Variants in DRC11 observed in about 807,000 individuals in gnomAD.
DRC11 encodes dynein regulatory complex subunit 11, also known as IQ and AAA domain-containing protein 1.
the DRC11 span, among the ~76,000 whole-genome samples, chr2:236,386,722 T>C: frequency 1.3e-5 from 2 of 149,476 alleles, no homozygotes; most frequent in Admixed American, 6.7e-5. Context: ...ATGTGTTTGC[T>C]CTTGCTTTTC....
chr2:236,474,165 A>G, the DRC11 span, among the ~76,000 whole-genome samples: 1 of 152,162 alleles, frequency 6.6e-6, no homozygotes, highest in African/African-American at 2.4e-5. Context: ...ATATCTCTCA[A>G]TGGTGTACAA....
chr2:236,395,038 G>C, the DRC11 span, among the ~76,000 whole-genome samples: 8 of 152,192 alleles, frequency 5.3e-5, no homozygotes, highest in African/African-American at 1.9e-4. Flanking sequence ...TCACAAAGGT[G>C]GTAAATTTTT....
chr2:236,356,909 ATAT>A, the DRC11 span, among the ~76,000 whole-genome samples: 781 of 84,272 alleles, frequency 9.3e-3, 14 homozygotes, highest in African/African-American at 0.047. Flanking sequence ...GTATATTTAT[ATAT>A]TATATATATT....
At chr2:236,491,749 T>G in the DRC11 span, among the ~76,000 whole-genome samples, 33 of 152,146 alleles carry the variant, frequency 2.2e-4, no homozygotes, top group Non-Finnish European at 4.1e-4. Context: ...CCCAAGTAAG[T>G]TGGCTTTGGA....
chr2:236,458,940 G>A, the DRC11 span, among the ~76,000 whole-genome samples: 1 of 152,226 alleles, frequency 6.6e-6, no homozygotes, highest in African/African-American at 2.4e-5. Flanking sequence ...GGCTACTCGG[G>A]AGGCTGAAGC....
At chr2:236,316,164 T>G in the DRC11 span, among the ~76,000 whole-genome samples, 10 of 151,998 alleles carry the variant, frequency 6.6e-5, no homozygotes, top group African/African-American at 2.4e-4. The surrounding 1 kb of genome is among the most constrained non-coding windows in gnomAD (Gnocchi z 6.8). Flanking sequence ...TCTCTCTCTC[T>G]CTCTCTCTCT....
At chr2:236,403,826 C>T in the DRC11 span, among the ~76,000 whole-genome samples, 3 of 152,084 alleles carry the variant, frequency 2.0e-5, no homozygotes, top group African/African-American at 7.2e-5. Flanking sequence ...CTCTGAGATC[C>T]TTGAGTCCTC....
At chr2:236,503,155 G>A in the DRC11 span, among the ~76,000 whole-genome samples, 6 of 152,328 alleles carry the variant, frequency 3.9e-5, no homozygotes, top group African/African-American at 1.4e-4. The surrounding 1 kb of genome is among the most constrained non-coding windows in gnomAD (Gnocchi z 4.9). Flanking sequence ...CAAGCATTAA[G>A]TTTGTACAAT....
the DRC11 span, among the ~76,000 whole-genome samples, chr2:236,446,270 G>T: frequency 6.6e-6 from 1 of 152,130 alleles, no homozygotes; most frequent in South Asian, 2.1e-4. This position sits in a 1 kb window ranked among gnomAD's most constrained non-coding sequence, Gnocchi z 6.2. Context: ...GGCTCAGCAC[G>T]CTACACGAGG....
the DRC11 span, among the ~76,000 whole-genome samples, chr2:236,321,722 G>A: frequency 1.2e-4 from 19 of 152,284 alleles, no homozygotes; most frequent in South Asian, 4.1e-4. Flanking sequence ...CAGGAGCACC[G>A]TCATCTCTGA....
At chr2:236,343,999 A>G in the DRC11 span, among the ~76,000 whole-genome samples, 2 of 152,136 alleles carry the variant, frequency 1.3e-5, no homozygotes, top group African/African-American at 4.8e-5. The surrounding 1 kb of genome is among the most constrained non-coding windows in gnomAD (Gnocchi z 6.6). Context: ...TTGATGTGGA[A>G]TAACAATCTC....
At chr2:236,421,683 A>G in the DRC11 span, among the ~76,000 whole-genome samples, 10 of 152,358 alleles carry the variant, frequency 6.6e-5, no homozygotes, top group East Asian at 1.5e-3. Context: ...CAATAGAAAA[A>G]GAGGGAATCC....
At chr2:236,402,208 A>C in the DRC11 span, among the ~76,000 whole-genome samples, 5 of 152,124 alleles carry the variant, frequency 3.3e-5, no homozygotes, top group African/African-American at 1.2e-4. This position sits in a 1 kb window ranked among gnomAD's most constrained non-coding sequence, Gnocchi z 6.0. Flanking sequence ...TTTCTGAGGC[A>C]ACTGTAGCTC....
the DRC11 span, among the ~76,000 whole-genome samples, chr2:236,310,380 C>T: frequency 1.3e-5 from 2 of 152,188 alleles, no homozygotes; most frequent in African/African-American, 4.8e-5. The surrounding 1 kb of genome is among the most constrained non-coding windows in gnomAD (Gnocchi z 5.5). Context: ...TACTGTGCCC[C>T]AGGGACATAC....
At chr2:236,485,376 A>G in the DRC11 span, among the ~76,000 whole-genome samples, 1 of 152,122 alleles carries the variant, frequency 6.6e-6, no homozygotes, top group Admixed American at 6.5e-5. Context: ...GTATGTTATT[A>G]GCGTTTTCAA....
the DRC11 span, among the ~76,000 whole-genome samples, chr2:236,419,962 A>G: frequency 6.6e-6 from 1 of 152,172 alleles, no homozygotes; most frequent in Non-Finnish European, 1.5e-5. This position sits in a 1 kb window ranked among gnomAD's most constrained non-coding sequence, Gnocchi z 4.8. Flanking sequence ...GGTGACAATG[A>G]CAGGACACGC....
chr2:236,312,942 T>A, the DRC11 span, among the ~76,000 whole-genome samples: 3 of 152,014 alleles, frequency 2.0e-5, no homozygotes, highest in East Asian at 3.8e-4. Flanking sequence ...AATTTGAAAA[T>A]CTAGATGAAA....
At chr2:236,487,781 C>A in the DRC11 span, among the ~76,000 whole-genome samples, 1 of 152,114 alleles carries the variant, frequency 6.6e-6, no homozygotes, top group East Asian at 1.9e-4. Context: ...AATAAAATGC[C>A]CTGAGTTTAG....
At chr2:236,471,333 A>C in the DRC11 span, among the ~76,000 whole-genome samples, 5 of 152,176 alleles carry the variant, frequency 3.3e-5, no homozygotes, top group African/African-American at 1.2e-4. The surrounding 1 kb of genome is among the most constrained non-coding windows in gnomAD (Gnocchi z 4.6). Flanking sequence ...TTTTATAAAA[A>C]ATGTGCATTT....
Sources: allele counts gnomAD v4.1 joint callset (sites outside exome capture counted in the v4.1 genomes callset), GRCh38; gene constraint gnomAD v4.1.1; non-coding constraint Gnocchi (gnomAD v3.1); transcripts MANE v1.5; gene names NCBI Gene and HGNC (gene_info 2026-07-23, HGNC 2026-07-21).